USP42: variants seen among roughly 807,000 people sequenced by gnomAD.
USP42 encodes ubiquitin specific peptidase 42, also known as ubiquitin carboxyl-terminal hydrolase 42.
Under a neutral mutation model 113.0 loss-of-function variants are expected in USP42, and 23 were observed. The ratio of observed to expected loss-of-function variants is 0.20; its 90% CI spans 0.15 to 0.29. The LOEUF (loss-of-function observed/expected upper bound fraction) is 0.29, where lower values mean the gene tolerates loss of function less well. USP42 is among the 10% of genes least tolerant of loss of function. USP42 has a pLI of 1.00. For missense variants in USP42, 2,174 were observed against 1,779.8 expected (o/e 1.22, Z -3.99); for synonymous variants, 933 against 699.0 (o/e 1.33, Z -5.28).
chr7:6,150,103 C>G lies in USP42; in HGVS notation c.1907C>G (p.Ser636Cys). The change falls in exon 13 of 18, where the codon TCT (serine) becomes TGT (cysteine). Residue 636 changes from serine (S) to cysteine (C), a missense_variant. Physicochemically the swap from Ser to Cys is moderately radical, Grantham distance 112. Transcript: ENST00000306177. ...ATTGGTACGATTGTGAGCTCCCACT[C>G]TCCCGGCCAAGATGCCGAAGATGAG... ...NGIGTIVSSH[S>C]PGQDAEDEEA... is the part of the protein sequence containing the mutation. 2 of 1,611,650 alleles carry G rather than the reference C, an allele frequency of 1.2e-6. No individual in the cohort carries two copies. Among genetic ancestry groups the G allele is most frequent in the Non-Finnish European group, 1.7e-6 (2 of 1,178,814 alleles).
At chr7:6,146,276 T>G in intron 11 of USP42, 28 bp downstream of exon 11, 1 of 1,335,490 alleles carries the variant, frequency 7.5e-7, no homozygotes, top group East Asian at 2.4e-5. Context: ...AATTGCCAGA[T>G]TTTCTGGTAT....
At chr7:6,112,556 C>G (rs952816463) in intron 2 of USP42, among the ~76,000 whole-genome samples, 1 of 152,086 alleles carries the variant, frequency 6.6e-6, no homozygotes, top group African/African-American at 2.4e-5. Flanking sequence ...ATAAATGAGA[C>G]AGTAACACTT....
intron 14 of USP42, chr7:6,152,991 C>T (rs1782161154): frequency 1.0e-6 from 1 of 984,760 alleles, no homozygotes; most frequent in Non-Finnish European, 1.2e-6. Flanking sequence ...GGAATTGCGG[C>T]CAGGCGCGGT....
At chr7:6,134,053 G>T (rs1447816582) in intron 3 of USP42, among the ~76,000 whole-genome samples, 2 of 151,912 alleles carry the variant, frequency 1.3e-5, no homozygotes, top group Non-Finnish European at 2.9e-5. Flanking sequence ...ACCACGCCCA[G>T]CTAATTTTTT....
In USP42 at chr7:6,140,203, T is replaced by C; in HGVS notation, c.724+8T>C. On this transcript the variant is annotated splice_region_variant and intron_variant, in intron 6 of 17. Coordinates refer to ENST00000306177, the MANE Select transcript of USP42 (RefSeq NM_032172.3). ...GATACCTAAGATCTAGAGGTAAGCT[T>C]TTGCTTATAAGTTGATAAAATGATA... The C allele has an allele frequency of 6.2e-7, 1 of 1,611,114 alleles. No individual in the cohort carries two copies. The highest frequency in any genetic ancestry group is 8.5e-7 in the Non-Finnish European group (1 of 1,177,498).
the USP42 span, among the ~76,000 whole-genome samples, chr7:6,095,438 G>A: frequency 3.3e-5 from 5 of 151,098 alleles, no homozygotes; most frequent in African/African-American, 1.2e-4. Context: ...GGCAGGTTGA[G>A]GCAGGCAGAT....
chr7:6,145,529 C>A lies in USP42; in HGVS notation c.1004C>A (p.Pro335His), dbSNP rs1291689227. The change falls in exon 10 of 18, where the codon CCT becomes CAT. Residue 335 changes from proline (P) to histidine (H), a missense_variant. Coordinates refer to ENST00000306177, the MANE Select transcript of USP42 (RefSeq NM_032172.3). ...GGKIAKDVKYPEYLDIRPYMS... is the reference protein window; with the variant it reads ...GGKIAKDVKYHEYLDIRPYMS... ...ATTTCCTTCTAGGATGTGAAATACC[C>A]TGAGTATCTTGATATTCGGCCATAT... 1 of 1,613,924 alleles carries A rather than the reference C, an allele frequency of 6.2e-7. No individual in the cohort carries two copies. Among genetic ancestry groups the A allele is most frequent in the East Asian group, 2.2e-5 (1 of 44,882 alleles).
At chr7:6,085,619 TATA>T in the USP42 span, among the ~76,000 whole-genome samples, 8 of 134,004 alleles carry the variant, frequency 6.0e-5, no homozygotes, top group East Asian at 2.1e-4. Context: ...TATATATATA[TATA>T]TATTTTTTTT....
chr7:6,085,102 C>G, the USP42 span: 1 of 150,220 alleles, frequency 6.7e-6, no homozygotes, highest in Non-Finnish European at 1.5e-5. Flanking sequence ...GTGTTTTAGC[C>G]ATTCCTATTT....
chr7:6,110,945 C>T (rs7781006), intron 1 of USP42, among the ~76,000 whole-genome samples, 180 bp from the exon 2 acceptor site: 3,447 of 152,212 alleles, frequency 0.023, 120 homozygotes, highest in African/African-American at 0.079. Flanking sequence ...TATCATGATG[C>T]TAAATGTCCC....
At position 6,134,386 on chromosome 7, in the gene USP42, A is replaced by G. The variant is rs888372247; in HGVS notation, c.443-1455A>G. Among the ~76,000 whole-genome samples the G allele has an allele frequency of 8.9e-4, 135 of 152,146 alleles. 4 individuals are homozygous for G. Among genetic ancestry groups the G allele is most frequent in the Admixed American group, 3.3e-4 (5 of 15,266 alleles). ...GCCTTGTACTGTTTGATTGGATGCC[A>G]GACAGAATGAATTTTATGTTATTGG... is the stretch of plus-strand genomic sequence containing the variant. On this transcript the variant is annotated intron_variant, in intron 3 of 17. Coordinates refer to ENST00000306177, the MANE Select transcript of USP42 (RefSeq NM_032172.3).
At chr7:6,135,995 A>G (rs768851041) in intron 4 of USP42, 44 bp downstream of exon 4, 1 of 880,740 alleles carries the variant, frequency 1.1e-6, no homozygotes, top group Non-Finnish European at 1.7e-6. Context: ...TTTATTACCT[A>G]GTTATACTTT....
chr7:6,112,301 T>G (rs1289442442), intron 2 of USP42, among the ~76,000 whole-genome samples: 1 of 152,002 alleles, frequency 6.6e-6, no homozygotes, highest in Admixed American at 6.6e-5. Flanking sequence ...ATACAAAAAT[T>G]AGCTGGGCAT....
intron 1 of USP42, among the ~76,000 whole-genome samples, chr7:6,105,238 C>A (rs1779200087): frequency 6.9e-6 from 1 of 145,538 alleles, no homozygotes; most frequent in Non-Finnish European, 1.5e-5. Flanking sequence ...ACCGCCCGCC[C>A]GGGCCAGGCC....
At chr7:6,143,364 A>C (rs560563576) in intron 8 of USP42, among the ~76,000 whole-genome samples, 1 of 152,262 alleles carries the variant, frequency 6.6e-6, no homozygotes, top group South Asian at 2.1e-4. Context: ...TCTTATGATA[A>C]GAGGGCTGCC....
chr7:6,143,143 T>G (rs778631377), intron 8 of USP42, 129 bp downstream of exon 8: 16 of 849,952 alleles, frequency 1.9e-5, no homozygotes, highest in Non-Finnish European at 2.6e-5. Context: ...AGACACTGCG[T>G]CCCTGTCGTC....
intron 3 of USP42, among the ~76,000 whole-genome samples, chr7:6,128,464 A>G (rs1780661644): frequency 6.6e-6 from 1 of 152,092 alleles, no homozygotes; most frequent in African/African-American, 2.4e-5. Context: ...TAATGCTTGC[A>G]TGACATATCT....
At position 6,155,171 on chromosome 7, in the gene USP42, A is replaced by G. The variant is rs1222757288; in HGVS notation, c.3617A>G (p.Asp1206Gly). The G allele has an allele frequency of 1.3e-6, 2 of 1,538,124 alleles. No individual in the cohort carries two copies. Among genetic ancestry groups the G allele is most frequent in the African/African-American group, 1.4e-5 (1 of 72,090 alleles). Residue 1206 changes from aspartate (D) to glycine (G), a missense_variant, in exon 15 of 18, where the codon GAC (aspartate) becomes GGC (glycine). Coordinates refer to ENST00000306177, the MANE Select transcript of USP42 (RefSeq NM_032172.3). ...TCAAAGAAGAAAAAGAAATCCAAAG[A>G]CAAACACCGAGACCGCGACTCCAGG... ...KKSKKKKKSK[D>G]KHRDRDSRHQ... is the part of the protein sequence containing the mutation.
intron 15 of USP42, among the ~76,000 whole-genome samples, chr7:6,155,483 C>T (rs1336593384): frequency 2.0e-5 from 3 of 152,160 alleles, no homozygotes; most frequent in African/African-American, 7.2e-5. Context: ...TATAACTCTT[C>T]CAGGAGTAAG....
Sources: gnomAD v4.1 joint callset for allele counts (sites outside exome capture counted in the v4.1 genomes callset) on GRCh38, gnomAD v4.1.1 for gene constraint, MANE v1.5 for transcripts, NCBI Gene and HGNC (gene_info 2026-07-23, HGNC 2026-07-21) for gene names.